Variants in TOPBP1 observed in about 807,000 individuals in gnomAD.
TOPBP1 encodes DNA topoisomerase II binding protein 1.
In TOPBP1, 28 loss-of-function variants were observed where a neutral mutation model predicts 167.7. The ratio of observed to expected loss-of-function variants is 0.17; its 90% confidence interval spans 0.12 to 0.23. The LOEUF is 0.23. TOPBP1 is among the 10% of genes least tolerant of loss of function. The pLI, the probability that TOPBP1 is intolerant of heterozygous loss-of-function variation, is 1.00. For missense variants in TOPBP1, 1,554 were observed against 1,809.6 expected, an observed-to-expected ratio of 0.86 and a Z score of 2.56; for synonymous variants, 598 against 611.4, an observed-to-expected ratio of 0.98 and a Z score of 0.32.
intron 20 of TOPBP1, 86 bp downstream of exon 20, chr3:133,620,069 A>G: frequency 7.2e-7 from 1 of 1,394,114 alleles, no homozygotes; most frequent in Non-Finnish European, 9.6e-7. Context: ...AATTAGGCCA[A>G]GCTCATGGAA....
At chr3:133,622,591 T>TG (rs1935129606) in intron 19 of TOPBP1, among the ~76,000 whole-genome samples, 1 of 152,052 alleles carries the variant, frequency 6.6e-6, no homozygotes, top group African/African-American at 2.4e-5. Flanking sequence ...CTAATAACAC[T>TG]GGGGGGCTGG....
At chr3:133,646,671 A>C (rs528592032) in intron 10 of TOPBP1, among the ~76,000 whole-genome samples, 114 of 150,996 alleles carry the variant, frequency 7.5e-4, no homozygotes, top group African/African-American at 2.6e-3. Flanking sequence ...AAAAAAAATC[A>C]CTTTCAGTTA....
At chr3:133,653,626 A>C (rs1271927535) in intron 6 of TOPBP1, 102 bp from the exon 7 acceptor site, 2 of 1,092,354 alleles carry the variant, frequency 1.8e-6, no homozygotes, top group Non-Finnish European at 2.5e-6. Context: ...ATAACAGGTT[A>C]ATATTTTTTT....
chr3:133,645,394 T>C (rs1343310142), intron 10 of TOPBP1, among the ~76,000 whole-genome samples: 1 of 152,178 alleles, frequency 6.6e-6, no homozygotes, highest in Non-Finnish European at 1.5e-5. Context: ...TAAAGGGTAA[T>C]AGTATACTTA....
intron 25 of TOPBP1, among the ~76,000 whole-genome samples, chr3:133,609,683 C>G (rs1934609238): frequency 6.6e-5 from 10 of 152,314 alleles, no homozygotes; most frequent in Middle Eastern, 3.4e-3. Flanking sequence ...CTGCACTTCT[C>G]TCTCCTGCCA....
chr3:133,638,078 TGA>T lies in TOPBP1; in HGVS notation c.2316_2317del (p.His773GlnfsTer16). 1 of 1,614,016 alleles carries T rather than the reference TGA, an allele frequency of 6.2e-7. No homozygotes were observed. Among genetic ancestry groups the T allele is most frequent in the Non-Finnish European group, 8.5e-7 (1 of 1,179,870 alleles). On this transcript the variant is annotated frameshift_variant, in exon 14 of 28. Transcript: ENST00000260810. LOFTEE classifies it high-confidence loss of function. ...TAAAGGTGTAACGACGGTTTTTCTGTGAGTTTGCAGGCGTGTGCCAGGATGCT... is the reference window on the plus strand; with the variant it reads ...TAAAGGTGTAACGACGGTTTTTCTGTGTTTGCAGGCGTGTGCCAGGATGCT...
intron 10 of TOPBP1, among the ~76,000 whole-genome samples, chr3:133,648,351 A>AT (rs1936153696): frequency 1.3e-5 from 2 of 152,278 alleles, no homozygotes; most frequent in Admixed American, 1.3e-4. Flanking sequence ...AGAAACAGTT[A>AT]AACGTGTTAG....
At chr3:133,623,014 A>G in intron 19 of TOPBP1, 77 bp downstream of exon 19, 1 of 804,572 alleles carries the variant, frequency 1.2e-6, no homozygotes, top group Non-Finnish European at 1.9e-6. Flanking sequence ...GGGCAAGATG[A>G]CAAGACCCCA....
intron 21 of TOPBP1, 27 bp downstream of exon 21, chr3:133,618,186 C>G (rs1306089416): frequency 6.3e-7 from 1 of 1,576,794 alleles, no homozygotes; most frequent in Admixed American, 1.7e-5. Flanking sequence ...TTAATACAAA[C>G]AAATGCAAAG....
chr3:133,613,143 G>A (rs374118365), intron 23 of TOPBP1, among the ~76,000 whole-genome samples: 9 of 152,240 alleles, frequency 5.9e-5, no homozygotes, highest in African/African-American at 1.9e-4. Context: ...TTACAGGCGT[G>A]AGCCACCATG....
intron 27 of TOPBP1, among the ~76,000 whole-genome samples, chr3:133,606,495 C>CTT (rs750468980): frequency 5.1e-4 from 64 of 125,440 alleles, no homozygotes; most frequent in African/African-American, 1.1e-3. Context: ...CACTCTAGGC[C>CTT]TTTTTTTTTT....
chr3:133,660,599 G>A (rs1936664321), intron 2 of TOPBP1, among the ~76,000 whole-genome samples: 1 of 152,228 alleles, frequency 6.6e-6, no homozygotes, highest in Non-Finnish European at 1.5e-5. Context: ...TCCAGGCCAT[G>A]CTGATACTGC....
chr3:133,661,270 C>T, intron 1 of TOPBP1, 136 bp from the exon 2 acceptor site: 2 of 628,558 alleles, frequency 3.2e-6, no homozygotes, highest in Non-Finnish European at 5.3e-6. Flanking sequence ...AATTCGTCAA[C>T]GGCATTTCTA....
chr3:133,624,019 A>C, intron 17 of TOPBP1, 33 bp downstream of exon 17: 2 of 1,595,710 alleles, frequency 1.3e-6, no homozygotes, highest in Non-Finnish European at 1.7e-6. Context: ...ATTTTCAATT[A>C]ACAGAGATGG....
intron 23 of TOPBP1, among the ~76,000 whole-genome samples, chr3:133,615,441 C>T (rs866234313): frequency 3.9e-5 from 6 of 152,312 alleles, no homozygotes; most frequent in African/African-American, 1.4e-4. Context: ...TGTGCCATGG[C>T]ACTCAAGCCT....
chr3:133,613,295 A>C (rs1439208738), intron 23 of TOPBP1, among the ~76,000 whole-genome samples: 5 of 152,242 alleles, frequency 3.3e-5, no homozygotes, highest in Non-Finnish European at 5.9e-5. Context: ...GGATTAACAA[A>C]GATTCTTTGC....
Position 133,654,805 on chromosome 3 carries a change from ACTTTGCAAGATGTTAGAGAAAACAT to A in TOPBP1, c.742+460_742+484del, listed in dbSNP as rs555012442. On this transcript the variant is annotated intron_variant, in intron 6 of 27. Coordinates refer to ENST00000260810, the MANE Select transcript of TOPBP1 (RefSeq NM_007027.4). ...CCGCAAGGTGTGTCTTCCAGTTAAA[ACTTTGCAAGATGTTAGAGAAAACAT>A]CTTTGCAAGATGTTAGAGAAAACAG... Among the ~76,000 whole-genome samples the A allele has an allele frequency of 2.5e-3, 375 of 152,308 alleles. 1 individual carries two copies. The highest frequency in any genetic ancestry group is 8.6e-3 in the African/African-American group (357 of 41,566).
intron 17 of TOPBP1, 98 bp from the exon 18 acceptor site, chr3:133,623,555 T>A (rs907384878): frequency 2.3e-5 from 31 of 1,322,526 alleles, no homozygotes; most frequent in Middle Eastern, 2.4e-4. Context: ...TATACTGTAA[T>A]ATGGCAAAAA....
At chr3:133,626,455 T>C (rs1256038891) in intron 16 of TOPBP1, among the ~76,000 whole-genome samples, 1 of 152,212 alleles carries the variant, frequency 6.6e-6, no homozygotes, top group Non-Finnish European at 1.5e-5. Flanking sequence ...TATTCTAATG[T>C]CCCGACAAAT....
Sources: allele counts gnomAD v4.1 joint callset (sites outside exome capture counted in the v4.1 genomes callset), GRCh38; gene constraint gnomAD v4.1.1; transcripts MANE v1.5; gene names NCBI Gene and HGNC (gene_info 2026-07-23, HGNC 2026-07-21).